Variants in RPS6KA5 observed in about 807,000 individuals in gnomAD.
RPS6KA5 encodes the protein ribosomal protein S6 kinase alpha-5.
Under a neutral mutation model 85.5 loss-of-function variants are expected in RPS6KA5, and 27 were observed. The observed-to-expected ratio is 0.32, with a 90% CI of 0.23 to 0.44. RPS6KA5 has a LOEUF of 0.44. Ranked by LOEUF, RPS6KA5 falls within the 20% of genes least tolerant of loss-of-function variation. The probability of loss-of-function intolerance (pLI) is 1.00; values close to 1 mark genes in which losing one functional copy is unlikely to be tolerated. For synonymous variants in RPS6KA5, 334 were observed against 348.2 expected, an observed-to-expected ratio of 0.96 and a Z score of 0.46; for missense variants, 811 against 980.9, an observed-to-expected ratio of 0.83 and a Z score of 2.31.
At chr14:90,912,141 C>G (rs1011770460) in intron 7 of RPS6KA5, among the ~76,000 whole-genome samples, 2 of 152,208 alleles carry the variant, frequency 1.3e-5, no homozygotes, top group Non-Finnish European at 2.9e-5. Context: ...TCAAAACTCC[C>G]TGATACTATG....
In RPS6KA5 at chr14:90,875,249, C is replaced by T; in HGVS notation, c.1948G>A (p.Gly650Arg). 2 of 1,613,934 alleles carry T rather than the reference C, an allele frequency of 1.2e-6. No homozygotes were observed. Among genetic ancestry groups the T allele is most frequent in the South Asian group, 1.1e-5 (1 of 91,068 alleles). Residue 650 changes from glycine (G) to arginine (R), a missense_variant, in exon 15 of 17, where the codon GGA (glycine) becomes AGA (arginine). This residue lies in a region of RPS6KA5 where 650 missense variants were observed against 793.4 expected (regional missense o/e 0.82). Coordinates refer to ENST00000614987, the MANE Select transcript of RPS6KA5 (RefSeq NM_004755.4). ...TGGGATACATTCTTCCAGGCTTCTC[C>T]TTCAAAGGAGAAATCTCCCTTTTTA... ...KIKKGDFSFE[G>R]EAWKNVSQEA... is the part of the protein sequence containing the mutation.
intron 6 of RPS6KA5, among the ~76,000 whole-genome samples, chr14:90,922,446 T>C (rs1458120517): frequency 6.6e-6 from 1 of 152,086 alleles, no homozygotes; most frequent in Non-Finnish European, 1.5e-5. Context: ...CATGCAAAAA[T>C]AAGTAAGTAA....
At position 90,873,746 on chromosome 14, in the gene RPS6KA5, C is replaced by G; in HGVS notation, c.2046G>C (p.Arg682Ser). 1 of 1,614,086 alleles carries G rather than the reference C, an allele frequency of 6.2e-7. No individual in the cohort carries two copies. The highest frequency in any genetic ancestry group is 8.5e-7 in the Non-Finnish European group (1 of 1,179,970). ...TTCCATCTTGTAGCCATTCATTGTA[C>G]CTCAAGCCAGACATTTTAAGCCTTT... ...PNKRLKMSGL[R>S]YNEWLQDGSQ... The change falls in exon 16 of 17, where the codon AGG becomes AGC. Residue 682 changes from arginine (R) to serine (S), a missense_variant. Coordinates refer to ENST00000614987, the MANE Select transcript of RPS6KA5 (RefSeq NM_004755.4).
At position 90,974,200 on chromosome 14, in the gene RPS6KA5, G is replaced by A. The variant is rs140722138; in HGVS notation, c.394+4106C>T. ...AATCGGATAATAGGTTTCTCCTAAC[G>A]TGATATAACATGAAATACATAACAT... is the stretch of plus-strand genomic sequence containing the variant. On this transcript the variant is annotated intron_variant, in intron 3 of 16. Transcript: ENST00000614987. Among the ~76,000 whole-genome samples, 471 of 152,142 alleles carry A rather than the reference G, an allele frequency of 3.1e-3. 5 individuals carry two copies. Among genetic ancestry groups the A allele is most frequent in the African/African-American group, 0.011 (449 of 41,512 alleles).
At chr14:91,020,922 A>C (rs1170084691) in intron 1 of RPS6KA5, among the ~76,000 whole-genome samples, 4 of 152,174 alleles carry the variant, frequency 2.6e-5, no homozygotes, top group Non-Finnish European at 5.9e-5. Flanking sequence ...CATTCAGGTT[A>C]TGCATGTTCA....
intron 3 of RPS6KA5, among the ~76,000 whole-genome samples, chr14:90,962,559 T>C (rs1353081178): frequency 1.3e-5 from 2 of 151,986 alleles, no homozygotes; most frequent in Non-Finnish European, 2.9e-5. Flanking sequence ...AGTGCTGGGA[T>C]TGCAGGAGTG....
chr14:90,978,149 G>A (rs982703717), intron 3 of RPS6KA5, among the ~76,000 whole-genome samples, 157 bp downstream of exon 3: 1 of 152,164 alleles, frequency 6.6e-6, no homozygotes, highest in African/African-American at 2.4e-5. Flanking sequence ...CAAATCCAGA[G>A]CAATGCATGA....
chr14:90,920,380 T>C (rs1302814933), intron 6 of RPS6KA5, 71 bp from the exon 7 acceptor site: 7 of 1,067,876 alleles, frequency 6.6e-6, no homozygotes, highest in Non-Finnish European at 9.8e-6. Context: ...AAAAAATGAA[T>C]AAAAGCTATC....
intron 13 of RPS6KA5, among the ~76,000 whole-genome samples, chr14:90,891,842 G>GT (rs1173727008): frequency 5.3e-5 from 8 of 152,170 alleles, no homozygotes; most frequent in Non-Finnish European, 1.2e-4. Flanking sequence ...CTTTTAGCAA[G>GT]TAACACCTGA....
chr14:91,056,909 C>T lies in RPS6KA5; in HGVS notation c.103+3423G>A, dbSNP rs1279348428. On this transcript the variant is annotated intron_variant, in intron 1 of 16. Coordinates refer to ENST00000614987, the MANE Select transcript of RPS6KA5 (RefSeq NM_004755.4). ...TTTTTTTTTTTTTGGAGATGGGAGT[C>T]TTGCTCTGTTGTCAGGCTGGCGTGC... 6.6e-5 allele frequency among the ~76,000 whole-genome samples: 6 copies of T among 90,330 alleles called. 1 individual carries two copies. Among genetic ancestry groups the T allele is most frequent in the Admixed American group, 3.7e-4 (2 of 5,346 alleles). 59.3% of individuals were successfully genotyped at this position (90,330 alleles called of 152,430 possible). A position where few individuals can be genotyped will look rare whatever the true frequency, so the allele number is the denominator to read the frequency against.
intron 1 of RPS6KA5, among the ~76,000 whole-genome samples, chr14:91,006,835 C>A (rs918551932): frequency 1.3e-5 from 2 of 152,140 alleles, no homozygotes; most frequent in Non-Finnish European, 2.9e-5. Context: ...TCCCAAAGTG[C>A]TGGGATTATG....
At chr14:90,894,611 G>C in intron 12 of RPS6KA5, 28 bp from the exon 13 acceptor site, 2 of 1,604,786 alleles carry the variant, frequency 1.2e-6, no homozygotes, top group Non-Finnish European at 1.7e-6. Context: ...TAACGTGGAG[G>C]GCCTTCCTGA....
At chr14:90,913,246 T>G (rs1247830746) in intron 7 of RPS6KA5, among the ~76,000 whole-genome samples, 2 of 151,976 alleles carry the variant, frequency 1.3e-5, no homozygotes, top group Non-Finnish European at 2.9e-5. Context: ...TTCTGCCCAG[T>G]ACACTAACCA....
intron 5 of RPS6KA5, among the ~76,000 whole-genome samples, chr14:90,924,300 A>C (rs956562977): frequency 6.6e-6 from 1 of 152,108 alleles, no homozygotes; most frequent in Non-Finnish European, 1.5e-5. Flanking sequence ...TCTCTGCCTA[A>C]ACTTCCTAAG....
At chr14:91,048,631 CAA>C (rs892099225) in intron 1 of RPS6KA5, among the ~76,000 whole-genome samples, 1 of 152,132 alleles carries the variant, frequency 6.6e-6, no homozygotes, top group African/African-American at 2.4e-5. Context: ...CTGCTAGAAA[CAA>C]ACATAATGAG....
At chr14:90,872,744 C>T (rs17188892) in intron 16 of RPS6KA5, among the ~76,000 whole-genome samples, 19,218 of 152,108 alleles carry the variant, frequency 0.13, 1,749 homozygotes, top group African/African-American at 0.24. Flanking sequence ...TGAGTCTTTG[C>T]TCTTCAGTCC....
rs2033013807 is a variant in RPS6KA5, at chr14:90,870,253, G to C, written c.*1821C>G. On this transcript the variant is annotated 3_prime_UTR_variant, in exon 17 of 17. Transcript: ENST00000614987. ...TCATTTTCTTGATTACTAGAGATCTGTGCCTGATGGAATCACATTTTGTGA... is the reference window on the plus strand; with the variant it reads ...TCATTTTCTTGATTACTAGAGATCTCTGCCTGATGGAATCACATTTTGTGA... 2 of 152,082 alleles carry C rather than the reference G, an allele frequency of 1.3e-5. No individual in the cohort carries two copies. Among genetic ancestry groups the C allele is most frequent in the South Asian group, 4.1e-4 (2 of 4,832 alleles). The allele number at this position is 152,082 out of a possible 1,614,324, so 9.4% of individuals were successfully genotyped here. A position where few individuals can be genotyped will look rare whatever the true frequency, so the allele number is the denominator to read the frequency against.
chr14:90,924,601 T>C (rs1322743031), intron 5 of RPS6KA5, among the ~76,000 whole-genome samples: 1 of 152,206 alleles, frequency 6.6e-6, no homozygotes, highest in Admixed American at 6.5e-5. Flanking sequence ...TTTATGCCCA[T>C]ACTATAAGCA....
rs1431159786 is a variant in RPS6KA5 at position 91,002,661 on chromosome 14, C to A, written c.104-1502G>T. On this transcript the variant is annotated intron_variant, in intron 1 of 16. Transcript: ENST00000614987. ...ATTTAAAATTTTTAAAAATTGTGGT[C>A]AAAAACACATAACATAAAATTTACC... 2.6e-5 allele frequency among the ~76,000 whole-genome samples: 4 copies of A among 152,156 alleles called. No homozygotes were observed. In the South Asian group the frequency reaches 6.2e-4, roughly 24 times the overall value.
Sources: gnomAD v4.1 joint callset for allele counts (sites outside exome capture counted in the v4.1 genomes callset) on GRCh38, gnomAD v4.1.1 for gene constraint, gnomAD v4.1.1 regional missense constraint, MANE v1.5 for transcripts, NCBI Gene and HGNC (gene_info 2026-07-23, HGNC 2026-07-21) for gene names.